The following VPS13B variants were observed in gnomAD, a reference collection of about 807,000 sequenced individuals.
The protein encoded by VPS13B is intermembrane lipid transfer protein VPS13B.
A neutral mutation model predicts 426.4 loss-of-function variants in VPS13B; 285 were observed. The ratio of observed to expected loss-of-function variants is 0.67; its 90% CI spans 0.61 to 0.74. The LOEUF is 0.74. Ranked by LOEUF, VPS13B falls within the 30% of genes least tolerant of loss-of-function variation. VPS13B has a pLI of 0.00. For missense variants in VPS13B, 4,537 were observed against 4,782.6 expected (o/e 0.95, Z 1.51); for synonymous variants, 1,676 against 1,676.4 (o/e 1.00, Z 0.01).
At chr8:99,087,468 A>G (rs558272794) in intron 3 of VPS13B, among the ~76,000 whole-genome samples, 23 of 151,958 alleles carry the variant, frequency 1.5e-4, no homozygotes, top group African/African-American at 5.3e-4. Context: ...ACTGTCCTGC[A>G]TCTACTTTCT....
Position 99,853,664 on chromosome 8 carries a change from G to A in VPS13B, c.10275G>A (p.Gly3425=), listed in dbSNP as rs561934198. Residue 3425 remains glycine, a synonymous_variant, in exon 56 of 62, where the codon GGG becomes GGA. Transcript: ENST00000357162. The stretch of plus-strand genomic sequence containing the variant: ...TTTACTGTGTGGAGATCTGCTGTGG[G>A]GACCTGCAGCTAGACAACCAGCTTT... The part of the protein sequence containing the change: ...FELYCVEICC[G]DLQLDNQLYN... 1.2e-6 allele frequency: 2 copies of A among 1,613,992 alleles called. No homozygotes were observed. The highest frequency in any genetic ancestry group is 1.7e-5 in the Admixed American group (1 of 60,018).
intron 14 of VPS13B, among the ~76,000 whole-genome samples, chr8:99,150,887 G>A (rs893588288): frequency 1.3e-5 from 2 of 152,154 alleles, no homozygotes; most frequent in African/African-American, 2.4e-5. Flanking sequence ...CAACTCCTTT[G>A]GGTAAATACC....
chr8:99,349,055 C>T (rs898537756), intron 19 of VPS13B, among the ~76,000 whole-genome samples: 6 of 151,734 alleles, frequency 4.0e-5, no homozygotes, highest in South Asian at 2.1e-4. Flanking sequence ...AAATAGCGGC[C>T]GGGCGCGGTG....
intron 23 of VPS13B, among the ~76,000 whole-genome samples, chr8:99,447,500 C>G (rs933090054): frequency 5.3e-5 from 8 of 152,144 alleles, no homozygotes; most frequent in African/African-American, 1.4e-4. Context: ...GCTTTATCTT[C>G]AGTCAGACTT....
rs1004710088 is a variant in VPS13B at position 99,590,546 on chromosome 8, C to T, written c.5220+12913C>T. Among the ~76,000 whole-genome samples, 5 of 152,164 alleles carry T rather than the reference C, an allele frequency of 3.3e-5. No homozygotes were observed. In the East Asian group the frequency reaches 9.6e-4, roughly 29 times the overall value. ...TTCTGGTACATTGTGTCTTTGTTCT[C>T]ATTGGTTTCAAAGAACATCTTTATT... On this transcript the variant is annotated intron_variant, in intron 33 of 61. Transcript: ENST00000357162.
At chr8:99,336,918 C>A (rs1015314514) in intron 19 of VPS13B, among the ~76,000 whole-genome samples, 1 of 151,896 alleles carries the variant, frequency 6.6e-6, no homozygotes. Context: ...GTTGGTGGGA[C>A]TGTAAACTAG....
At chr8:99,333,286 T>G (rs527555826) in intron 19 of VPS13B, among the ~76,000 whole-genome samples, 1 of 151,764 alleles carries the variant, frequency 6.6e-6, no homozygotes, top group Non-Finnish European at 1.5e-5. Context: ...AGGCCACATA[T>G]ATGGTGATTT....
At chr8:99,401,351 G>A (rs1815027671) in intron 21 of VPS13B, among the ~76,000 whole-genome samples, 1 of 152,092 alleles carries the variant, frequency 6.6e-6, no homozygotes, top group Non-Finnish European at 1.5e-5. Context: ...CAGGTTATGA[G>A]TATTAATTTA....
chr8:99,335,798 A>C (rs1015744458), intron 19 of VPS13B, among the ~76,000 whole-genome samples: 2 of 152,212 alleles, frequency 1.3e-5, no homozygotes. Context: ...CTAGGAATCC[A>C]ACTTACAAGG....
At chr8:99,763,464 A>T (rs746537855) in intron 39 of VPS13B, among the ~76,000 whole-genome samples, 1 of 152,214 alleles carries the variant, frequency 6.6e-6, no homozygotes, top group Non-Finnish European at 1.5e-5. Flanking sequence ...TCCACCAGAG[A>T]AGATGTCACA....
intron 16 of VPS13B, among the ~76,000 whole-genome samples, chr8:99,191,681 C>G (rs1813602768): frequency 6.6e-6 from 1 of 151,922 alleles, no homozygotes; most frequent in Non-Finnish European, 1.5e-5. Context: ...CGCGCTGGGC[C>G]TATTTTAGTG....
chr8:99,197,015 A>G (rs146813584), intron 17 of VPS13B, among the ~76,000 whole-genome samples: 1 of 152,150 alleles, frequency 6.6e-6, no homozygotes, highest in African/African-American at 2.4e-5. Context: ...CTAATCTATT[A>G]GTAGTTTTGA....
chr8:99,585,828 G>T (rs181062087), intron 33 of VPS13B, among the ~76,000 whole-genome samples: 1 of 152,268 alleles, frequency 6.6e-6, no homozygotes, highest in African/African-American at 2.4e-5. Flanking sequence ...GTTCTAGTTG[G>T]AGTAGTTAAT....
chr8:99,097,272 A>T (rs945113679), intron 4 of VPS13B, among the ~76,000 whole-genome samples: 1 of 152,190 alleles, frequency 6.6e-6, no homozygotes, highest in Non-Finnish European at 1.5e-5. Context: ...AACCTTCAAG[A>T]TAGCTGATGT....
chr8:99,022,485 TTGTC>T (rs1841947604), intron 2 of VPS13B, among the ~76,000 whole-genome samples: 1 of 152,178 alleles, frequency 6.6e-6, no homozygotes, highest in African/African-American at 2.4e-5. Context: ...CAGCAGCACA[TTGTC>T]TGTATGATTT....
In VPS13B at chr8:99,875,506, GCTGTTCT is replaced by G. The variant is rs777709872; in HGVS notation, c.11835_11841del (p.Cys3946ProfsTer40). ...AAGACATCTTGTCACCTGGCCCCCA[GCTGTTCT>G]TCCATGCAAATACCATGCCCTGTGG... On this transcript the variant is annotated frameshift_variant, in exon 62 of 62. Coordinates refer to ENST00000357162, the MANE Select transcript of VPS13B (RefSeq NM_152564.5). LOFTEE classifies it high-confidence loss of function. 2.7e-5 allele frequency: 43 copies of G among 1,614,044 alleles called. No individual in the cohort carries two copies. The highest frequency in any genetic ancestry group is 2.5e-6 in the Non-Finnish European group (3 of 1,180,022).
intron 19 of VPS13B, among the ~76,000 whole-genome samples, chr8:99,365,397 T>G (rs1384240954): frequency 6.6e-6 from 1 of 151,902 alleles, no homozygotes; most frequent in Non-Finnish European, 1.5e-5. Context: ...TTGATGTATT[T>G]GTTTATAGCT....
At chr8:99,316,097 G>A (rs1398581378) in intron 19 of VPS13B, among the ~76,000 whole-genome samples, 1 of 152,196 alleles carries the variant, frequency 6.6e-6, no homozygotes, top group Non-Finnish European at 1.5e-5. Flanking sequence ...TGGTGCTCTG[G>A]AAGGCAGGGT....
At chr8:99,511,787 A>C (rs1002221794) in intron 29 of VPS13B, among the ~76,000 whole-genome samples, 6 of 152,242 alleles carry the variant, frequency 3.9e-5, no homozygotes, top group African/African-American at 7.2e-5. Context: ...ACTTTGTGTT[A>C]ATTGTTTTAC....
Sources: gnomAD v4.1 joint callset for allele counts (sites outside exome capture counted in the v4.1 genomes callset) on GRCh38, gnomAD v4.1.1 for gene constraint, MANE v1.5 for transcripts, NCBI Gene and HGNC (gene_info 2026-07-23, HGNC 2026-07-21) for gene names.